The following CYFIP2 variants were observed in gnomAD, a reference collection of about 807,000 sequenced individuals.
The protein encoded by CYFIP2 is cytoplasmic FMR1 interacting protein 2, also known as cytoplasmic FMR1-interacting protein 2.
In CYFIP2, 29 loss-of-function variants were observed where a neutral mutation model predicts 158.7. The observed-to-expected ratio is 0.18, with a 90% CI of 0.14 to 0.25. CYFIP2 has a LOEUF of 0.25. Among genes scored for constraint, CYFIP2 ranks in the 10% least tolerant of loss-of-function variants. The pLI is 1.00. For synonymous variants in CYFIP2, 585 were observed against 617.6 expected, an observed-to-expected ratio of 0.95 and a Z score of 0.78; for missense variants, 852 against 1,639.5, an observed-to-expected ratio of 0.52 and a Z score of 8.29.
intron 23 of CYFIP2, among the ~76,000 whole-genome samples, chr5:157,346,155 T>G (rs956196917): frequency 1.3e-4 from 20 of 152,136 alleles, no homozygotes; most frequent in African/African-American, 4.6e-4. Flanking sequence ...GAGTCTCAGT[T>G]CCACCATCAT....
intron 25 of CYFIP2, among the ~76,000 whole-genome samples, 161 bp downstream of exon 25, chr5:157,360,533 A>G (rs1245481652): frequency 6.6e-6 from 1 of 152,154 alleles, no homozygotes; most frequent in Non-Finnish European, 1.5e-5. Context: ...AATCCCTCTG[A>G]GCAATGTTAT....
intron 16 of CYFIP2, among the ~76,000 whole-genome samples, chr5:157,325,263 C>G (rs1008551432): frequency 6.6e-6 from 1 of 152,100 alleles, no homozygotes; most frequent in Admixed American, 6.5e-5. Flanking sequence ...TTCTCCCCCA[C>G]CAGCCCACAA....
intron 16 of CYFIP2, among the ~76,000 whole-genome samples, chr5:157,324,357 G>A (rs560468168): frequency 2.0e-5 from 3 of 152,166 alleles, no homozygotes; most frequent in African/African-American, 4.8e-5. Context: ...ACAAGAATAC[G>A]TACATACAGA....
intron 13 of CYFIP2, among the ~76,000 whole-genome samples, chr5:157,319,094 C>T (rs1411991688): frequency 6.6e-6 from 1 of 152,166 alleles, no homozygotes; most frequent in Non-Finnish European, 1.5e-5. Flanking sequence ...AGGCCACATA[C>T]TTGCAGGCAG....
chr5:157,310,066 C>T (rs1759581998), intron 10 of CYFIP2, among the ~76,000 whole-genome samples: 1 of 152,220 alleles, frequency 6.6e-6, no homozygotes, highest in African/African-American at 2.4e-5. Context: ...CCTTGTCCAG[C>T]CCAGCAGTGA....
At chr5:157,347,112 C>G (rs1762753579) in intron 23 of CYFIP2, among the ~76,000 whole-genome samples, 1 of 152,044 alleles carries the variant, frequency 6.6e-6, no homozygotes, top group South Asian at 2.1e-4. Context: ...GGTTCTTGGC[C>G]AAAGTATCCA....
chr5:157,300,726 C>T lies in CYFIP2; in HGVS notation c.399C>T (p.Ile133=), dbSNP rs148895189. The T allele has an allele frequency of 4.9e-4, 780 of 1,598,244 alleles. 3 individuals are homozygous for T. In the African/African-American group the frequency reaches 9.3e-3, roughly 19 times the overall value. ...MKFMYFQRKA[I]ERFCSEVKRL... ...CCCTCTGCCCCCAGCGCAAGGCCAT[C>T]GAGCGGTTCTGCAGCGAGGTGAAGC... The change falls in exon 6 of 31, where the codon ATC becomes ATT. Residue 133 remains isoleucine, a synonymous_variant. Coordinates refer to ENST00000620254, the MANE Select transcript of CYFIP2 (RefSeq NM_001037333.3).
chr5:157,359,357 A>G (rs1230115330), intron 24 of CYFIP2, among the ~76,000 whole-genome samples: 6 of 152,140 alleles, frequency 3.9e-5, no homozygotes, highest in Non-Finnish European at 1.5e-5. Flanking sequence ...TTTGACCTAT[A>G]GCTGTGCTCC....
intron 23 of CYFIP2, among the ~76,000 whole-genome samples, chr5:157,349,794 C>G (rs1157692132): frequency 6.6e-6 from 1 of 152,066 alleles, no homozygotes; most frequent in African/African-American, 2.4e-5. Flanking sequence ...TTTTGATTTT[C>G]GATTATGGTC....
intron 23 of CYFIP2, chr5:157,342,988 C>T: frequency 6.2e-7 from 1 of 1,614,226 alleles, no homozygotes; most frequent in South Asian, 1.1e-5. Context: ...TCTTGCGTGG[C>T]ATTTCCACCA....
At chr5:157,362,379 T>A (rs2113372866) in intron 26 of CYFIP2, among the ~76,000 whole-genome samples, 1 of 152,354 alleles carries the variant, frequency 6.6e-6, no homozygotes, top group Admixed American at 6.5e-5. Context: ...GGTTCATATG[T>A]GAAGATGTTA....
chr5:157,358,200 G>T (rs1272110376), intron 23 of CYFIP2, among the ~76,000 whole-genome samples: 1 of 152,152 alleles, frequency 6.6e-6, no homozygotes, highest in Non-Finnish European at 1.5e-5. Context: ...CCAGTTTAGG[G>T]CCCTATAGCA....
At chr5:157,333,692 C>T (rs148629152) in intron 21 of CYFIP2, among the ~76,000 whole-genome samples, 62 of 152,302 alleles carry the variant, frequency 4.1e-4, no homozygotes, top group African/African-American at 1.4e-3. Flanking sequence ...AACCCTCAGA[C>T]ACAGCTGCAT....
chr5:157,342,536 G>C (rs1762344841), intron 23 of CYFIP2: 1 of 79,626 alleles, frequency 1.3e-5, no homozygotes, highest in African/African-American at 2.9e-4. Context: ...CAAGTGCTGT[G>C]TTTTATTTGT....
chr5:157,317,098 C>T (rs1335516308), intron 13 of CYFIP2, among the ~76,000 whole-genome samples: 5 of 152,102 alleles, frequency 3.3e-5, no homozygotes, highest in South Asian at 2.1e-4. Flanking sequence ...AAAAGGGATG[C>T]GTATGCACTG....
chr5:157,359,768 T>C (rs926716410), intron 24 of CYFIP2, among the ~76,000 whole-genome samples: 6 of 152,226 alleles, frequency 3.9e-5, no homozygotes, highest in African/African-American at 1.2e-4. Flanking sequence ...GAAAGTAATA[T>C]ATAACCAGGT....
At chr5:157,305,933 G>A (rs1759181439) in intron 8 of CYFIP2, among the ~76,000 whole-genome samples, 1 of 152,066 alleles carries the variant, frequency 6.6e-6, no homozygotes, top group African/African-American at 2.4e-5. Flanking sequence ...AATTTATTTG[G>A]CTATGTTATG....
In CYFIP2 at chr5:157,296,663, TCC is replaced by T. The variant is rs1393039261; in HGVS notation, c.286-6_286-5del. ...AACCAGGATGTGTGTGTCCCCATTA[TCC>T]CCCACAGGTGAAATGCAACGAGCAG... On this transcript the variant is annotated splice_polypyrimidine_tract_variant and splice_region_variant and intron_variant, in intron 4 of 30. Transcript: ENST00000620254. 1 of 1,610,886 alleles carries T rather than the reference TCC, an allele frequency of 6.2e-7. No individual in the cohort carries two copies. The highest frequency in any genetic ancestry group is 1.3e-5 in the African/African-American group (1 of 74,914).
intron 26 of CYFIP2, among the ~76,000 whole-genome samples, chr5:157,379,785 G>A (rs1019911107): frequency 4.0e-5 from 6 of 148,540 alleles, no homozygotes; most frequent in South Asian, 2.2e-4. Context: ...CTCTGTAACC[G>A]CCCAGCAGGT....
Sources: gnomAD v4.1 joint callset for allele counts (sites outside exome capture counted in the v4.1 genomes callset) on GRCh38, gnomAD v4.1.1 for gene constraint, MANE v1.5 for transcripts, NCBI Gene and HGNC (gene_info 2026-07-23, HGNC 2026-07-21) for gene names.